The following GADL1 variants were observed in gnomAD, a reference collection of about 807,000 sequenced individuals.
GADL1 encodes the protein GAD like acidic amino acid decarboxylase 1.
GADL1 carries 71 observed loss-of-function variants against 69.5 expected under a neutral mutation model. That is an observed-to-expected ratio of 1.02 (90% CI 0.84 to 1.25). The LOEUF (loss-of-function observed/expected upper bound fraction) is 1.25. Among genes scored for constraint, GADL1 ranks in the 50% most tolerant of loss-of-function variants. GADL1 has a pLI of 0.00. For synonymous variants in GADL1, 254 were observed against 214.4 expected (o/e 1.18, Z -1.62); for missense variants, 737 against 631.8 (o/e 1.17, Z -1.79).
At chr3:30,752,088 C>G (rs752375577) in intron 14 of GADL1, among the ~76,000 whole-genome samples, 2 of 149,758 alleles carry the variant, frequency 1.3e-5, no homozygotes, top group African/African-American at 2.6e-5. Context: ...CGTTAAAGTA[C>G]TGCTGTGGTT....
chr3:30,827,875 A>G (rs1697709784), intron 11 of GADL1, among the ~76,000 whole-genome samples: 1 of 151,886 alleles, frequency 6.6e-6, no homozygotes, highest in Non-Finnish European at 1.5e-5. Flanking sequence ...ACGAAGCACA[A>G]GAGATTGATC....
At chr3:30,769,183 A>G (rs1158780106) in intron 14 of GADL1, among the ~76,000 whole-genome samples, 1 of 152,162 alleles carries the variant, frequency 6.6e-6, no homozygotes. Flanking sequence ...CTCAGTCATT[A>G]TTACAGCTCC....
At chr3:30,791,407 A>T (rs1696911995) in intron 12 of GADL1, among the ~76,000 whole-genome samples, 1 of 152,188 alleles carries the variant, frequency 6.6e-6, no homozygotes, top group Non-Finnish European at 1.5e-5. Flanking sequence ...TTGTGAGTCT[A>T]GGCAAATTCC....
At chr3:30,768,231 C>A (rs1696330872) in intron 14 of GADL1, among the ~76,000 whole-genome samples, 1 of 152,062 alleles carries the variant, frequency 6.6e-6, no homozygotes, top group Non-Finnish European at 1.5e-5. Flanking sequence ...GAAATAATAG[C>A]AAAAGCAGAT....
At chr3:30,868,142 T>C (rs1183056628) in intron 1 of GADL1, among the ~76,000 whole-genome samples, 3 of 152,084 alleles carry the variant, frequency 2.0e-5, no homozygotes, top group Admixed American at 2.0e-4. Context: ...TATAGGCTTT[T>C]ATAGTAAATG....
chr3:30,776,561 C>T (rs374728517), intron 14 of GADL1, among the ~76,000 whole-genome samples: 2 of 152,236 alleles, frequency 1.3e-5, no homozygotes, highest in African/African-American at 4.8e-5. Context: ...CACATCTTTG[C>T]TCCCTGAGAG....
intron 1 of GADL1, among the ~76,000 whole-genome samples, chr3:30,875,230 C>G (rs575694448): frequency 6.7e-6 from 1 of 149,184 alleles, no homozygotes; most frequent in East Asian, 2.0e-4. Context: ...AAAAAAAAAG[C>G]TCACCTCTTG....
intron 1 of GADL1, among the ~76,000 whole-genome samples, chr3:30,866,711 C>T (rs1042178213): frequency 2.6e-5 from 4 of 152,152 alleles, no homozygotes; most frequent in Middle Eastern, 3.4e-3. Context: ...CTGAGTAGTT[C>T]AGCCCACACT....
At chr3:30,785,049 C>T (rs952907489) in intron 13 of GADL1, among the ~76,000 whole-genome samples, 17 of 152,148 alleles carry the variant, frequency 1.1e-4, no homozygotes, top group African/African-American at 3.9e-4. Context: ...TCAAAGATAA[C>T]CTTAAAATCC....
chr3:30,810,890 G>A (rs1332870098), intron 11 of GADL1, among the ~76,000 whole-genome samples: 1 of 152,094 alleles, frequency 6.6e-6, no homozygotes, highest in African/African-American at 2.4e-5. Flanking sequence ...CCTGCTACAA[G>A]GGTGGGGCTG....
intron 14 of GADL1, among the ~76,000 whole-genome samples, chr3:30,729,805 C>G (rs529641653): frequency 1.3e-5 from 2 of 152,226 alleles, no homozygotes; most frequent in East Asian, 3.9e-4. Context: ...TCCACATGTA[C>G]TAATTTTAGA....
At chr3:30,748,645 C>T (rs1456391265) in intron 14 of GADL1, among the ~76,000 whole-genome samples, 1 of 152,180 alleles carries the variant, frequency 6.6e-6, no homozygotes, top group Non-Finnish European at 1.5e-5. Flanking sequence ...TTTTCTGGAA[C>T]TCAATAGCTT....
intron 13 of GADL1, among the ~76,000 whole-genome samples, chr3:30,780,927 G>A (rs767132670): frequency 6.6e-6 from 1 of 152,162 alleles, no homozygotes; most frequent in Non-Finnish European, 1.5e-5. Flanking sequence ...TCCTGTCTCT[G>A]CCTCTGTAGC....
chr3:30,775,710 TAAAC>T (rs1367666701), intron 14 of GADL1, among the ~76,000 whole-genome samples: 1 of 151,984 alleles, frequency 6.6e-6, no homozygotes, highest in East Asian at 1.9e-4. Context: ...GTAAAAAAAA[TAAAC>T]TGGATATTTA....
chr3:30,747,238 A>C (rs55842171), intron 14 of GADL1, among the ~76,000 whole-genome samples: 33,169 of 152,024 alleles, frequency 0.22, 5,569 homozygotes, highest in African/African-American at 0.47. Context: ...GCCATTTGTT[A>C]CCTCCCAGGG....
intron 1 of GADL1, among the ~76,000 whole-genome samples, chr3:30,890,244 C>T (rs1698768209): frequency 6.6e-6 from 1 of 152,168 alleles, no homozygotes; most frequent in Admixed American, 6.5e-5. Flanking sequence ...ATTCTTGTCA[C>T]TCTAAATCAT....
At position 30,778,236 on chromosome 3, in the gene GADL1, A is replaced by C. The variant is rs1696583757; in HGVS notation, c.1335T>G (p.Ile445Met). 4 of 1,612,518 alleles carry C rather than the reference A, an allele frequency of 2.5e-6. No homozygotes were observed. Among genetic ancestry groups the C allele is most frequent in the Non-Finnish European group, 3.4e-6 (4 of 1,178,686 alleles). ...CTTCCATCTCTCTGAGGCTCGGTGGAATGTACCAAAAGCAAATATTGGCAT... is the reference window on the plus strand; with the variant it reads ...CTTCCATCTCTCTGAGGCTCGGTGGCATGTACCAAAAGCAAATATTGGCAT... ...PEYANICFWY[I>M]PPSLREMEEG... The change falls in exon 14 of 15, where the codon ATT (isoleucine) becomes ATG (methionine). Residue 445 changes from isoleucine (I) to methionine (M), a missense_variant. Ile to Met is a conservative substitution (Grantham distance 10, BLOSUM62 1). Coordinates refer to ENST00000282538, the MANE Select transcript of GADL1 (RefSeq NM_207359.3).
At chr3:30,759,787 CT>C (rs1325190189) in intron 14 of GADL1, among the ~76,000 whole-genome samples, 4 of 152,224 alleles carry the variant, frequency 2.6e-5, no homozygotes, top group African/African-American at 9.6e-5. Flanking sequence ...ATTTGGCTAA[CT>C]GTAGCATAGT....
At chr3:30,801,850 T>A (rs563483399) in intron 11 of GADL1, among the ~76,000 whole-genome samples, 1 of 152,312 alleles carries the variant, frequency 6.6e-6, no homozygotes, top group African/African-American at 2.4e-5. Context: ...TAATCAATCA[T>A]TTACAGCCCT....
Sources: allele counts gnomAD v4.1 joint callset (sites outside exome capture counted in the v4.1 genomes callset), GRCh38; gene constraint gnomAD v4.1.1; transcripts MANE v1.5; gene names NCBI Gene and HGNC (gene_info 2026-07-23, HGNC 2026-07-21).